CACNA1C: variants seen among roughly 807,000 people sequenced by gnomAD.
CACNA1C encodes the protein calcium voltage-gated channel subunit alpha1 C.
A neutral mutation model predicts 229.0 loss-of-function variants in CACNA1C; 30 were observed. The ratio of observed to expected loss-of-function variants is 0.13; its 90% CI spans 0.10 to 0.18. The LOEUF is 0.18. Among genes scored for constraint, CACNA1C ranks in the 10% least tolerant of loss-of-function variants. The probability of loss-of-function intolerance (pLI) is 1.00; values close to 1 mark genes in which losing one functional copy is unlikely to be tolerated. For synonymous variants in CACNA1C, 1,114 were observed against 1,132.5 expected (o/e 0.98, Z 0.33); for missense variants, 1,658 against 2,845.0 (o/e 0.58, Z 9.49).
intron 29 of CACNA1C, chr12:2,612,236 G>T: frequency 2.0e-6 from 1 of 509,994 alleles, no homozygotes; most frequent in Non-Finnish European, 3.5e-6. Context: ...ACCCTGGCTG[G>T]CATGCACAAG....
At position 2,450,365 on chromosome 12, in the gene CACNA1C, T is replaced by G. The variant is rs559179662; in HGVS notation, c.617+1250T>G. 3.7e-4 allele frequency among the ~76,000 whole-genome samples: 56 copies of G among 151,522 alleles called. No individual in the cohort carries two copies. In the South Asian group the frequency reaches 8.0e-3, roughly 22 times the overall value. On this transcript the variant is annotated intron_variant, in intron 4 of 46. Coordinates refer to ENST00000399655, the MANE Select transcript of CACNA1C (RefSeq NM_000719.7). ...GTCAGGAGATCGAGACCATCCTGGC[T>G]AACACGGTGAAACCCCGTCTCTACT...
At chr12:2,528,142 G>A (rs556775147) in intron 9 of CACNA1C, among the ~76,000 whole-genome samples, 2 of 152,040 alleles carry the variant, frequency 1.3e-5, no homozygotes, top group Non-Finnish European at 1.5e-5. Flanking sequence ...AACAATTGTC[G>A]TGTGCTATAC....
intron 3 of CACNA1C, among the ~76,000 whole-genome samples, chr12:2,360,282 A>G (rs2097527271): frequency 6.6e-6 from 1 of 151,232 alleles, no homozygotes; most frequent in South Asian, 2.1e-4. Context: ...CCTCCCCCGG[A>G]TTCCTCAGGT....
At chr12:2,554,474 A>G (rs4765956) in intron 10 of CACNA1C, among the ~76,000 whole-genome samples, 135,297 of 152,224 alleles carry the variant, frequency 0.89, 60,626 homozygotes, top group Non-Finnish European at 0.95. Flanking sequence ...TGTGCTGTGC[A>G]TAGAGAAGCC....
chr12:2,671,447 T>C (rs1569173735), intron 38 of CACNA1C, among the ~76,000 whole-genome samples: 2 of 152,244 alleles, frequency 1.3e-5, no homozygotes, highest in Non-Finnish European at 2.9e-5. Flanking sequence ...CTTTAGTTTT[T>C]TTACTTTCCA....
At chr12:2,373,455 G>A (rs11831371) in intron 3 of CACNA1C, among the ~76,000 whole-genome samples, 1,654 of 152,228 alleles carry the variant, frequency 0.011, 24 homozygotes, top group African/African-American at 0.038. Flanking sequence ...GGTCTCCTGA[G>A]GTGACACTGA....
chr12:2,463,204 CG>C (rs1239909117), intron 5 of CACNA1C, among the ~76,000 whole-genome samples: 15 of 152,130 alleles, frequency 9.9e-5, no homozygotes, highest in African/African-American at 2.9e-4. Context: ...CCACCGCACC[CG>C]GCCTAAAAGT....
At chr12:2,570,017 T>C (rs984547098) in intron 13 of CACNA1C, among the ~76,000 whole-genome samples, 2 of 152,198 alleles carry the variant, frequency 1.3e-5, no homozygotes, top group African/African-American at 4.8e-5. Flanking sequence ...AACGTAAACA[T>C]TGTTTCATAA....
intron 3 of CACNA1C, among the ~76,000 whole-genome samples, chr12:2,311,882 C>T (rs2095454744): frequency 6.6e-6 from 1 of 152,182 alleles, no homozygotes; most frequent in Non-Finnish European, 1.5e-5. Context: ...TGCCACCGAA[C>T]TGTAAACTTA....
In CACNA1C at chr12:2,649,978, G is replaced by GCC. The variant is rs1453395623; in HGVS notation, c.3945+1472_3945+1473insCC. Among the ~76,000 whole-genome samples, 3 of 151,572 alleles carry GCC rather than the reference G, an allele frequency of 2.0e-5. No homozygotes were observed. Among genetic ancestry groups the GCC allele is most frequent in the African/African-American group, 7.3e-5 (3 of 40,950 alleles). The stretch of plus-strand genomic sequence containing the variant: ...TCATCAAAGGCTTCAGAACACACAG[G>GCC]CAGGGAAGAGCCCAGGGCAGGACAG... On this transcript the variant is annotated intron_variant, in intron 31 of 46. Transcript: ENST00000399655. This position sits in a 1 kb window ranked among gnomAD's most constrained non-coding sequence, Gnocchi z 4.4.
intron 42 of CACNA1C, chr12:2,682,126 G>A: frequency 1.1e-6 from 1 of 881,110 alleles, no homozygotes; most frequent in East Asian, 2.4e-5. Context: ...AAAATAAGAG[G>A]CCAAGGACTT....
At position 2,695,024 on chromosome 12, in the gene CACNA1C, A is replaced by G. The variant is rs1248329714; in HGVS notation, c.*3825A>G. ...ATATCATTGTCAAGGATTAGAAACA[A>G]TTCAGCAAAGAGGCCACAAAAAGGG... On this transcript the variant is annotated 3_prime_UTR_variant, in exon 47 of 47. Transcript: ENST00000399655. 2.0e-5 allele frequency: 3 copies of G among 152,194 alleles called. No individual in the cohort carries two copies. Among genetic ancestry groups the G allele is most frequent in the African/African-American group, 7.2e-5 (3 of 41,440 alleles). The allele number at this position is 152,194 out of a possible 1,614,324, so 9.4% of individuals were successfully genotyped here. A position where few individuals can be genotyped will look rare whatever the true frequency, so the allele number is the denominator to read the frequency against.
chr12:2,018,637 T>A (rs1329928372), intron 1 of CACNA1C, among the ~76,000 whole-genome samples: 1 of 152,192 alleles, frequency 6.6e-6, no homozygotes, highest in Non-Finnish European at 1.5e-5. Flanking sequence ...CAGCAGCCAA[T>A]GATGGGACGG....
At chr12:2,673,472 A>AG (rs1188702613) in intron 38 of CACNA1C, among the ~76,000 whole-genome samples, 5 of 151,458 alleles carry the variant, frequency 3.3e-5, no homozygotes, top group African/African-American at 9.7e-5. Flanking sequence ...GTCTAAAAAA[A>AG]AAAAAAAAAA....
chr12:2,033,121 G>A (rs1333876580), intron 1 of CACNA1C, among the ~76,000 whole-genome samples: 4 of 152,172 alleles, frequency 2.6e-5, no homozygotes, highest in East Asian at 1.9e-4. Flanking sequence ...GGGGAGTTCC[G>A]CTGGCCATTC....
intron 3 of CACNA1C, among the ~76,000 whole-genome samples, chr12:2,268,811 G>C (rs1233188985): frequency 1.3e-5 from 2 of 152,226 alleles, no homozygotes. Flanking sequence ...AGAGGCAAGG[G>C]ATAGAACGAG....
chr12:2,315,828 T>C (rs1013028562), intron 3 of CACNA1C, among the ~76,000 whole-genome samples: 1 of 152,232 alleles, frequency 6.6e-6, no homozygotes, highest in Non-Finnish European at 1.5e-5. Context: ...ACAGAAATTT[T>C]CTGAGACTTT....
chr12:2,485,902 A>C (rs1272235746), intron 5 of CACNA1C, among the ~76,000 whole-genome samples: 1 of 152,214 alleles, frequency 6.6e-6, no homozygotes. Flanking sequence ...ATGAGTCTCC[A>C]AGACAGATTT....
At chr12:2,551,643 G>A (rs1464131944) in intron 10 of CACNA1C, among the ~76,000 whole-genome samples, 2 of 152,162 alleles carry the variant, frequency 1.3e-5, no homozygotes, top group Admixed American at 6.5e-5. Context: ...GGAAGTGAGT[G>A]ACCGGGATCT....
Sources: gnomAD v4.1 joint callset for allele counts (sites outside exome capture counted in the v4.1 genomes callset) on GRCh38, gnomAD v4.1.1 for gene constraint, Gnocchi (gnomAD v3.1) non-coding constraint, MANE v1.5 for transcripts, NCBI Gene and HGNC (gene_info 2026-07-23, HGNC 2026-07-21) for gene names.